STKLD1: variants seen among roughly 807,000 people sequenced by gnomAD.
STKLD1 encodes serine/threonine kinase-like domain-containing protein STKLD1.
A neutral mutation model predicts 80.4 loss-of-function variants in STKLD1; 79 were observed. That is an observed-to-expected ratio of 0.98 (90% CI 0.82 to 1.19). The LOEUF is 1.19. Among genes scored for constraint, STKLD1 ranks in the 50% most tolerant of loss-of-function variants. The pLI, the probability that STKLD1 is intolerant of heterozygous loss-of-function variation, is 0.00. For missense variants in STKLD1, 841 were observed against 856.0 expected, an observed-to-expected ratio of 0.98 and a Z score of 0.22; for synonymous variants, 393 against 357.6, an observed-to-expected ratio of 1.10 and a Z score of -1.12.
chr9:133,385,781 C>A lies in STKLD1; in HGVS notation c.294+90C>A. ...GAGCCCAGAGCACGCCCACCCCCCA[C>A]TGTCAGAATAGCTCGTGTGGCAATG... On this transcript the variant is annotated intron_variant, in intron 4 of 17. Coordinates refer to ENST00000371957, the MANE Select transcript of STKLD1 (RefSeq NM_153710.5). The surrounding 1 kb of genome is among the most constrained non-coding windows in gnomAD (Gnocchi z 4.9). The A allele has an allele frequency of 8.3e-7, 1 of 1,210,026 alleles. No individual in the cohort carries two copies. Among genetic ancestry groups the A allele is most frequent in the Non-Finnish European group, 1.2e-6 (1 of 829,972 alleles). 75.0% of individuals were successfully genotyped at this position (1,210,026 alleles called of 1,614,324 possible).
intron 10 of STKLD1, 104 bp from the exon 11 acceptor site, chr9:133,397,868 G>A (rs1339580935): frequency 3.6e-6 from 3 of 837,788 alleles, no homozygotes; most frequent in Non-Finnish European, 5.7e-6. Context: ...TGGATCTGAG[G>A]AGGGGATGCA....
chr9:133,396,620 G>C (rs963942576), intron 9 of STKLD1, among the ~76,000 whole-genome samples: 36 of 151,648 alleles, frequency 2.4e-4, no homozygotes, highest in Admixed American at 5.3e-4. Flanking sequence ...AGCTGGGCAT[G>C]GTGGGGTGCG....
intron 11 of STKLD1, among the ~76,000 whole-genome samples, chr9:133,399,272 G>A (rs988935087): frequency 2.0e-5 from 3 of 151,852 alleles, no homozygotes; most frequent in South Asian, 2.1e-4. Context: ...CCATCCATCC[G>A]TCTGTCTATC....
intron 11 of STKLD1, among the ~76,000 whole-genome samples, chr9:133,399,399 T>G (rs1005034276): frequency 4.6e-5 from 7 of 152,168 alleles, no homozygotes; most frequent in East Asian, 3.9e-4. Context: ...GGGCCTAATT[T>G]ACCATTCCCT....
chr9:133,403,592 T>C, intron 14 of STKLD1, 108 bp from the exon 15 acceptor site: 1 of 1,404,896 alleles, frequency 7.1e-7, no homozygotes, highest in Non-Finnish European at 9.7e-7. Context: ...CCCACCCCAT[T>C]TCTGCTGTTG....
chr9:133,403,634 A>T, intron 14 of STKLD1, 66 bp from the exon 15 acceptor site: 1 of 1,553,024 alleles, frequency 6.4e-7, no homozygotes, highest in South Asian at 1.2e-5. Context: ...CAGATGGGGG[A>T]TGGGAAGGCC....
chr9:133,405,125 G>C, intron 17 of STKLD1, 127 bp from the exon 18 acceptor site: 1 of 1,336,914 alleles, frequency 7.5e-7, no homozygotes, highest in South Asian at 1.4e-5. Flanking sequence ...TGGGGCTCCG[G>C]AACTGCAAGG....
chr9:133,398,355 C>T lies in STKLD1; in HGVS notation c.1081+300C>T, dbSNP rs587686751. On this transcript the variant is annotated intron_variant, in intron 11 of 17. Transcript: ENST00000371957. ...TATCTGAGTTGTTTCTCAGTTTCCA[C>T]TATTATGAATGATACTAGAACGGAC... Among the ~76,000 whole-genome samples the T allele has an allele frequency of 1.7e-4, 26 of 152,316 alleles. No homozygotes were observed. The East Asian group carries it at 4.4e-3, about 26-fold the overall frequency.
intron 1 of STKLD1, 149 bp from the exon 2 acceptor site, chr9:133,378,887 A>G: frequency 4.6e-6 from 3 of 648,234 alleles, no homozygotes; most frequent in Non-Finnish European, 8.0e-6. Context: ...TCCTTGGGCC[A>G]TTTCCTCTAT....
In STKLD1 at chr9:133,402,803, TG is replaced by T. The variant is rs1273796986; in HGVS notation, c.1340-74del. 7.9e-6 allele frequency: 12 copies of T among 1,514,286 alleles called. No homozygotes were observed. The East Asian group carries it at 2.9e-4, about 36-fold the overall frequency. The allele number at this position is 1,514,286 out of a possible 1,614,324, so 93.8% of individuals were successfully genotyped here. A position where few individuals can be genotyped will look rare whatever the true frequency, so the allele number is the denominator to read the frequency against. On this transcript the variant is annotated intron_variant, in intron 13 of 17. Coordinates refer to ENST00000371957, the MANE Select transcript of STKLD1 (RefSeq NM_153710.5). ...GATTGCAGGTCAAATGGGACTGCAG[TG>T]CCCAAGGACAACAGAGGCAGGAAGG... is the stretch of plus-strand genomic sequence containing the variant.
In STKLD1 at chr9:133,389,571, C is replaced by G. The variant is rs2130284475; in HGVS notation, c.442C>G (p.Leu148Val). ...CCAGGTGCTGGACGCGCTGGAATAC[C>G]TGCACCATTTGGACATCATCCACAG... Reference protein sequence around the residue: ...LGQVLDALEYLHHLDIIHRNL... With the variant: ...LGQVLDALEYVHHLDIIHRNL... The change falls in exon 6 of 18, where the codon CTG becomes GTG. Residue 148 changes from leucine (L) to valine (V), a missense_variant. Physicochemically the swap from Leu to Val is conservative, Grantham distance 32 (BLOSUM62 1). Coordinates refer to ENST00000371957, the MANE Select transcript of STKLD1 (RefSeq NM_153710.5). The surrounding 1 kb of genome is among the most constrained non-coding windows in gnomAD (Gnocchi z 6.4). 6.2e-7 allele frequency: 1 copy of G among 1,613,544 alleles called. No homozygotes were observed. The highest frequency in any genetic ancestry group is 1.1e-5 in the South Asian group (1 of 91,080).
chr9:133,392,603 G>GTGGGTGGA (rs1295950840), intron 7 of STKLD1, among the ~76,000 whole-genome samples: 10 of 36,536 alleles, frequency 2.7e-4, no homozygotes, highest in South Asian at 1.7e-3. Flanking sequence ...GGATGGATGG[G>GTGGGTGGA]TGGATGGATG....
chr9:133,402,814 A>C (rs975956947), intron 13 of STKLD1, 64 bp from the exon 14 acceptor site: 1 of 1,549,232 alleles, frequency 6.5e-7, no homozygotes, highest in African/African-American at 1.4e-5. Context: ...GCCCAAGGAC[A>C]ACAGAGGCAG....
intron 11 of STKLD1, among the ~76,000 whole-genome samples, chr9:133,398,751 C>G (rs1838623088): frequency 6.6e-6 from 1 of 152,224 alleles, no homozygotes; most frequent in Non-Finnish European, 1.5e-5. Context: ...CGCACTCCAG[C>G]CTAGAAGACC....
Position 133,390,575 on chromosome 9 carries a change from CAG to C in STKLD1, c.468-101_468-100del, listed in dbSNP as rs1028837787. On this transcript the variant is annotated intron_variant, in intron 6 of 17. Transcript: ENST00000371957. The surrounding 1 kb of genome is among the most constrained non-coding windows in gnomAD (Gnocchi z 5.1). ...CTGCAGAACCAGGTGGGGCAGGGAG[CAG>C]AGAGTCAGGCTCAGCACACACACTG... The C allele has an allele frequency of 1.6e-5, 12 of 764,064 alleles. No individual in the cohort carries two copies. Among genetic ancestry groups the C allele is most frequent in the Admixed American group, 1.4e-4 (7 of 49,136 alleles). 47.3% of individuals were successfully genotyped at this position (764,064 alleles called of 1,614,324 possible).
chr9:133,388,245 T>C (rs1838306986), intron 5 of STKLD1, among the ~76,000 whole-genome samples: 4 of 152,172 alleles, frequency 2.6e-5, no homozygotes, highest in East Asian at 1.9e-4. Flanking sequence ...ATTGTGTCAG[T>C]CTTGTTGTTG....
At chr9:133,405,176 C>T in intron 17 of STKLD1, 76 bp from the exon 18 acceptor site, 2 of 1,507,252 alleles carry the variant, frequency 1.3e-6, no homozygotes, top group Non-Finnish European at 1.8e-6. Context: ...ATGTGACCCA[C>T]TCTCATCCTT....
Position 133,394,295 on chromosome 9 carries a change from C to A in STKLD1, c.588C>A (p.Pro196=), listed in dbSNP as rs1472150242. 1 of 1,612,552 alleles carries A rather than the reference C, an allele frequency of 6.2e-7. No individual in the cohort carries two copies. The highest frequency in any genetic ancestry group is 8.5e-7 in the Non-Finnish European group (1 of 1,178,786). The change falls in exon 8 of 18, where the codon CCC becomes CCA. Residue 196 remains proline, a synonymous_variant. Coordinates refer to ENST00000371957, the MANE Select transcript of STKLD1 (RefSeq NM_153710.5). This position sits in a 1 kb window ranked among gnomAD's most constrained non-coding sequence, Gnocchi z 4.9. ...AKWNIRAEED[P]FRKSWMAPEA... is the part of the protein sequence containing the mutation. ...CCACCTTGCTTTTACCAACAGACCC[C>A]TTTCGTAAGTCCTGGATGGCCCCTG...
rs2130284125 is a variant in STKLD1, at chr9:133,389,494, T to G, written c.397-32T>G. ...CCCTGAAAGCAGCACAGGGTGCCCC[T>G]CCCATCCTGGCACCCCCTACTTCTC... On this transcript the variant is annotated intron_variant, in intron 5 of 17. Coordinates refer to ENST00000371957, the MANE Select transcript of STKLD1 (RefSeq NM_153710.5). The surrounding 1 kb of genome is among the most constrained non-coding windows in gnomAD (Gnocchi z 6.4). 3 of 1,610,708 alleles carry G rather than the reference T, an allele frequency of 1.9e-6. No homozygotes were observed. The highest frequency in any genetic ancestry group is 2.5e-6 in the Non-Finnish European group (3 of 1,178,958).
Sources: allele counts gnomAD v4.1 joint callset (sites outside exome capture counted in the v4.1 genomes callset), GRCh38; gene constraint gnomAD v4.1.1; non-coding constraint Gnocchi (gnomAD v3.1); transcripts MANE v1.5; gene names NCBI Gene and HGNC (gene_info 2026-07-23, HGNC 2026-07-21).